Variants in MACROD2 observed in about 807,000 individuals in gnomAD.
The protein encoded by MACROD2 is mono-ADP ribosylhydrolase 2, also known as ADP-ribose glycohydrolase MACROD2.
A neutral mutation model predicts 70.4 loss-of-function variants in MACROD2; 36 were observed. That is an observed-to-expected ratio of 0.51 (90% CI 0.39 to 0.68). The LOEUF is 0.68. Among genes scored for constraint, MACROD2 ranks in the 30% least tolerant of loss-of-function variants. The pLI, the probability that MACROD2 is intolerant of heterozygous loss-of-function variation, is 0.00. For synonymous variants in MACROD2, 172 were observed against 178.8 expected, an observed-to-expected ratio of 0.96 and a Z score of 0.30; for missense variants, 496 against 538.4, an observed-to-expected ratio of 0.92 and a Z score of 0.78.
At chr20:14,403,221 C>T (rs1277195699) in intron 3 of MACROD2, among the ~76,000 whole-genome samples, 1 of 152,164 alleles carries the variant, frequency 6.6e-6, no homozygotes, top group East Asian at 1.9e-4. Context: ...TATTGACTTA[C>T]TGGCTCATTG....
At chr20:15,883,183 A>G (rs1344392628) in intron 9 of MACROD2, among the ~76,000 whole-genome samples, 1 of 152,070 alleles carries the variant, frequency 6.6e-6, no homozygotes, top group East Asian at 1.9e-4. Flanking sequence ...TGACAAGCAA[A>G]GGGATCTTTG....
At chr20:15,404,256 G>T (rs2045967835) in intron 6 of MACROD2, among the ~76,000 whole-genome samples, 1 of 152,104 alleles carries the variant, frequency 6.6e-6, no homozygotes, top group Non-Finnish European at 1.5e-5. Flanking sequence ...TATGTAAAAT[G>T]CATTTAACTT....
At position 14,075,050 on chromosome 20, in the gene MACROD2, C is replaced by T. The variant is rs1043632688; in HGVS notation, c.164-10571C>T. 7.9e-5 allele frequency among the ~76,000 whole-genome samples: 12 copies of T among 152,028 alleles called. 1 individual carries two copies. Among genetic ancestry groups the T allele is most frequent in the South Asian group, 2.1e-4 (1 of 4,822 alleles). On this transcript the variant is annotated intron_variant, in intron 2 of 17. Transcript: ENST00000684519. ...ATTGCACTGCCGGTGTTCAAGTCAC[C>T]TTTATTTTACAAAATAATGGCCCCA...
intron 3 of MACROD2, among the ~76,000 whole-genome samples, chr20:14,378,273 A>G (rs903211709): frequency 2.0e-5 from 3 of 152,092 alleles, no homozygotes; most frequent in Non-Finnish European, 4.4e-5. Flanking sequence ...TTCCCTTTTG[A>G]GAGTAGAGCA....
chr20:15,932,143 G>A (rs2065589281), intron 10 of MACROD2, among the ~76,000 whole-genome samples: 1 of 152,160 alleles, frequency 6.6e-6, no homozygotes, highest in African/African-American at 2.4e-5. Context: ...CAGCTGGCAG[G>A]GTGGAAAGGT....
intron 3 of MACROD2, among the ~76,000 whole-genome samples, chr20:14,269,679 A>G (rs1012945584): frequency 6.6e-6 from 1 of 152,190 alleles, no homozygotes; most frequent in African/African-American, 2.4e-5. Context: ...GTCATTAATA[A>G]AGTAAGAATA....
At chr20:15,133,185 A>AATTTT (rs2076119413) in intron 5 of MACROD2, among the ~76,000 whole-genome samples, 1 of 152,134 alleles carries the variant, frequency 6.6e-6, no homozygotes, top group African/African-American at 2.4e-5. Context: ...TATAAAGAAA[A>AATTTT]GATCAATAAA....
intron 5 of MACROD2, among the ~76,000 whole-genome samples, chr20:15,077,146 TGTTA>T (rs2075664587): frequency 6.6e-6 from 1 of 152,228 alleles, no homozygotes; most frequent in Non-Finnish European, 1.5e-5. Flanking sequence ...TTTTAAATTC[TGTTA>T]GTTGAAAGGT....
Position 15,644,364 on chromosome 20 carries a change from T to C in MACROD2, c.645+144517T>C, listed in dbSNP as rs114796319. Among the ~76,000 whole-genome samples the C allele has an allele frequency of 1.4e-3, 214 of 152,288 alleles. 1 individual carries two copies. Among genetic ancestry groups the C allele is most frequent in the African/African-American group, 4.8e-3 (201 of 41,552 alleles). ...AGACTGTGGAGCCAAGGTTGAAGCT[T>C]CTTTCTTCATAGTCCCCAAATCCAG... On this transcript the variant is annotated intron_variant, in intron 8 of 17. Coordinates refer to ENST00000684519, the MANE Select transcript of MACROD2 (RefSeq NM_001351661.2).
intron 5 of MACROD2, among the ~76,000 whole-genome samples, chr20:15,159,900 G>A (rs181330864): frequency 1.2e-3 from 183 of 152,114 alleles, no homozygotes; most frequent in Non-Finnish European, 1.7e-3. Context: ...TGGGGCGTTT[G>A]AGTTGACTTT....
intron 4 of MACROD2, among the ~76,000 whole-genome samples, chr20:14,672,111 T>G (rs2070802316): frequency 6.6e-6 from 1 of 152,232 alleles, no homozygotes. Flanking sequence ...TTCCAAAGTT[T>G]AGTGACTTAA....
chr20:15,674,627 C>T (rs531033000), intron 8 of MACROD2, among the ~76,000 whole-genome samples: 3 of 152,158 alleles, frequency 2.0e-5, no homozygotes, highest in Admixed American at 1.3e-4. Flanking sequence ...GTCTCTGCTG[C>T]CCACTGAACT....
At chr20:15,859,723 TA>T (rs1408942586) in intron 8 of MACROD2, among the ~76,000 whole-genome samples, 1 of 151,878 alleles carries the variant, frequency 6.6e-6, no homozygotes. Flanking sequence ...TCAATTAATT[TA>T]AACTAAAAAG....
chr20:15,588,334 G>A lies in MACROD2; in HGVS notation c.645+88487G>A, dbSNP rs540937304. 1.6e-4 allele frequency among the ~76,000 whole-genome samples: 25 copies of A among 152,152 alleles called. No homozygotes were observed. In the East Asian group the frequency reaches 3.5e-3, roughly 21 times the overall value. ...GCCCACAAAACCACTTTTTCCTCCC[G>A]GGCCTCTGAGCCTGTGATGGGAGGG... On this transcript the variant is annotated intron_variant, in intron 8 of 17. Transcript: ENST00000684519.
chr20:14,944,353 A>G (rs1279249652), intron 5 of MACROD2, among the ~76,000 whole-genome samples: 1 of 152,190 alleles, frequency 6.6e-6, no homozygotes, highest in Non-Finnish European at 1.5e-5. Flanking sequence ...AGTATCTTCA[A>G]CACATTGCAT....
At chr20:15,437,028 G>A (rs1202105661) in intron 7 of MACROD2, among the ~76,000 whole-genome samples, 1 of 152,118 alleles carries the variant, frequency 6.6e-6, no homozygotes, top group Non-Finnish European at 1.5e-5. Flanking sequence ...TGAACAATGG[G>A]CACTTTCTAT....
At chr20:15,387,475 GTC>G (rs1463012469) in intron 6 of MACROD2, among the ~76,000 whole-genome samples, 13 of 148,920 alleles carry the variant, frequency 8.7e-5, no homozygotes, top group Non-Finnish European at 1.3e-4. Context: ...CTCTTTCACT[GTC>G]TCTCTTTCTC....
At chr20:15,263,114 C>T (rs1456362711) in intron 6 of MACROD2, among the ~76,000 whole-genome samples, 1 of 151,924 alleles carries the variant, frequency 6.6e-6, no homozygotes, top group Non-Finnish European at 1.5e-5. Flanking sequence ...GAATCTTTGC[C>T]CAGACCAATG....
rs188070645 is a variant in MACROD2 at position 15,442,003 on chromosome 20, A to G, written c.571+10568A>G. Among the ~76,000 whole-genome samples the G allele has an allele frequency of 5.9e-5, 9 of 152,280 alleles. 1 individual carries two copies. In the East Asian group the frequency reaches 1.7e-3, roughly 29 times the overall value. On this transcript the variant is annotated intron_variant, in intron 7 of 17. Coordinates refer to ENST00000684519, the MANE Select transcript of MACROD2 (RefSeq NM_001351661.2). Reference sequence around the variant, plus strand: ...AAGAACTGTTTTGGAGTGTTGAAGAATTGTCCACACTTGGACTTTGATCAC... The same window carrying G: ...AAGAACTGTTTTGGAGTGTTGAAGAGTTGTCCACACTTGGACTTTGATCAC...
Sources: allele counts gnomAD v4.1 joint callset (sites outside exome capture counted in the v4.1 genomes callset), GRCh38; gene constraint gnomAD v4.1.1; transcripts MANE v1.5; gene names NCBI Gene and HGNC (gene_info 2026-07-23, HGNC 2026-07-21).